ZNF682: variants seen among roughly 807,000 people sequenced by gnomAD.
ZNF682 encodes the protein zinc finger protein 682.
A neutral mutation model predicts 36.5 loss-of-function variants in ZNF682; 29 were observed. The ratio of observed to expected loss-of-function variants is 0.80; its 90% CI spans 0.59 to 1.08. The LOEUF is 1.08. ZNF682 is among the 50% of genes least tolerant of loss of function. The pLI is 0.00. For synonymous variants in ZNF682, 180 were observed against 197.0 expected (o/e 0.91, Z 0.72); for missense variants, 561 against 579.7 (o/e 0.97, Z 0.33).
At chr19:20,033,468 T>G (rs895656849) in intron 1 of ZNF682, 2 of 152,290 alleles carry the variant, frequency 1.3e-5, no homozygotes, top group Non-Finnish European at 2.9e-5. Flanking sequence ...AGCCCTGGGC[T>G]GCAGGAGGAG....
chr19:20,016,662 AAT>A (rs2122341882), intron 3 of ZNF682, among the ~76,000 whole-genome samples: 1 of 152,258 alleles, frequency 6.6e-6, no homozygotes, highest in East Asian at 1.9e-4. Context: ...AAAGCAAAAT[AAT>A]ACTGCCAACA....
At chr19:20,039,090 G>T in intron 1 of ZNF682, 1 of 1,338,490 alleles carries the variant, frequency 7.5e-7, no homozygotes, top group Non-Finnish European at 9.7e-7. Flanking sequence ...AAGAACGCGC[G>T]CGGCTCTTCC....
intron 3 of ZNF682, among the ~76,000 whole-genome samples, chr19:20,016,425 A>G (rs1317136807): frequency 3.9e-5 from 6 of 152,216 alleles, no homozygotes; most frequent in African/African-American, 1.2e-4. Flanking sequence ...GAGCAAAAAT[A>G]GAATGTAGAC....
At chr19:20,028,054 G>A (rs900454388) in intron 1 of ZNF682, among the ~76,000 whole-genome samples, 4 of 152,122 alleles carry the variant, frequency 2.6e-5, no homozygotes, top group African/African-American at 4.8e-5. Flanking sequence ...AACATAATCC[G>A]TCGAGAGGAC....
rs1389839656 is a variant in ZNF682, at chr19:20,005,137, C to T, written c.*868G>A. 1.3e-5 allele frequency: 2 copies of T among 151,978 alleles called. No homozygotes were observed. Among genetic ancestry groups the T allele is most frequent in the East Asian group, 3.9e-4 (2 of 5,190 alleles). 9.4% of individuals were successfully genotyped at this position (151,978 alleles called of 1,614,324 possible). A position where few individuals can be genotyped will look rare whatever the true frequency, so the allele number is the denominator to read the frequency against. ...TCGCCCAGGTTGGAGTTCAGTGGCGCGATCTCGGCTCACTGCAAGCTCCGC... is the reference window on the plus strand; with the variant it reads ...TCGCCCAGGTTGGAGTTCAGTGGCGTGATCTCGGCTCACTGCAAGCTCCGC... On this transcript the variant is annotated 3_prime_UTR_variant, in exon 4 of 4. Coordinates refer to ENST00000397165, the MANE Select transcript of ZNF682 (RefSeq NM_033196.3).
chr19:20,020,962 AT>A (rs34955700), intron 3 of ZNF682, among the ~76,000 whole-genome samples: 125,522 of 152,168 alleles, frequency 0.82, 52,077 homozygotes, highest in Middle Eastern at 0.91. Context: ...CCTGAAATGA[AT>A]TAAGTTTTGG....
At chr19:20,029,712 C>T (rs1330601631) in intron 1 of ZNF682, among the ~76,000 whole-genome samples, 2 of 151,834 alleles carry the variant, frequency 1.3e-5, no homozygotes, top group Non-Finnish European at 2.9e-5. Flanking sequence ...AGGGATTTCT[C>T]AGCATTGGGT....
chr19:20,028,669 G>A (rs2088453211), intron 1 of ZNF682, among the ~76,000 whole-genome samples: 1 of 152,116 alleles, frequency 6.6e-6, no homozygotes, highest in Non-Finnish European at 1.5e-5. Context: ...AAATGCTTTT[G>A]GTCCAAAATA....
At chr19:20,007,470 G>A (rs927483134) in intron 3 of ZNF682, 195 bp from the exon 4 acceptor site, 5 of 533,566 alleles carry the variant, frequency 9.4e-6, no homozygotes, top group African/African-American at 7.7e-5. Flanking sequence ...TTGAGAAAAA[G>A]CTTAATTCAG....
At chr19:20,019,246 A>C (rs535771013) in intron 3 of ZNF682, among the ~76,000 whole-genome samples, 23 of 151,954 alleles carry the variant, frequency 1.5e-4, no homozygotes, top group South Asian at 8.3e-4. Context: ...CCACCCCCCC[A>C]AAAAAAAGTG....
chr19:20,021,746 T>G (rs1169331992), intron 3 of ZNF682, among the ~76,000 whole-genome samples: 2 of 152,170 alleles, frequency 1.3e-5, no homozygotes, highest in South Asian at 4.1e-4. Flanking sequence ...AAGTTTAAAT[T>G]ACCAATTTTA....
intron 1 of ZNF682, among the ~76,000 whole-genome samples, chr19:20,025,434 T>C (rs958873541): frequency 6.6e-6 from 1 of 152,136 alleles, no homozygotes; most frequent in Non-Finnish European, 1.5e-5. Context: ...TCCCAGCACT[T>C]TGGGAGGCCA....
exon 4 of ZNF682, chr19:19,997,134 C>T (rs975029016): frequency 6.8e-5 from 27 of 397,704 alleles, no homozygotes; most frequent in African/African-American, 4.1e-4. Context: ...CCTCTAGCTA[C>T]GTGTCCAGGG....
chr19:20,006,520 G>A lies in ZNF682; in HGVS notation c.982C>T (p.Leu328Phe). 4.3e-6 allele frequency: 7 copies of A among 1,614,066 alleles called. No individual in the cohort carries two copies. Among genetic ancestry groups the A allele is most frequent in the Non-Finnish European group, 5.9e-6 (7 of 1,179,996 alleles). The change falls in exon 4 of 4, where the codon CTT (leucine) becomes TTT (phenylalanine). Residue 328 changes from leucine (L) to phenylalanine (F), a missense_variant. By Grantham distance (22) the Leu-to-Phe change is conservative. Transcript: ENST00000397165. ...CGKAFNHCSL[L>F]TIHERTHTGE... Reference sequence around the variant, plus strand: ...GTATGGGTTCTCTCATGTATAGTAAGTAGTGAGCAGTGGTTAAAGGCTTTC... The same window carrying A: ...GTATGGGTTCTCTCATGTATAGTAAATAGTGAGCAGTGGTTAAAGGCTTTC...
intron 1 of ZNF682, among the ~76,000 whole-genome samples, chr19:20,032,823 T>TAGTGACA (rs2088491055): frequency 6.6e-6 from 1 of 152,228 alleles, no homozygotes; most frequent in African/African-American, 2.4e-5. Context: ...TTGTCGTAGA[T>TAGTGACA]AGTTTATCCT....
At chr19:20,036,481 C>T in intron 1 of ZNF682, among the ~76,000 whole-genome samples, 1 of 151,698 alleles carries the variant, frequency 6.6e-6, no homozygotes, top group Non-Finnish European at 1.5e-5. Flanking sequence ...TGACGGGCAC[C>T]TGTAAACCCA....
At chr19:20,009,357 T>C (rs1422461786) in intron 3 of ZNF682, among the ~76,000 whole-genome samples, 1 of 152,084 alleles carries the variant, frequency 6.6e-6, no homozygotes, top group East Asian at 1.9e-4. Context: ...AAAACAAAGC[T>C]TCTGAGAAAT....
intron 3 of ZNF682, among the ~76,000 whole-genome samples, chr19:20,018,642 C>T (rs1028765165): frequency 6.6e-6 from 1 of 151,884 alleles, no homozygotes; most frequent in Non-Finnish European, 1.5e-5. Flanking sequence ...ACAGTTTTTT[C>T]AACAAATGAT....
rs999330463 is a variant in ZNF682 at position 20,039,418 on chromosome 19, G to A, written c.-73C>T. ...CATCTGCAAGTCAGAGGGCAACAGA[G>A]GCTGCGACAGTCACCGGGAACTACT... is the stretch of plus-strand genomic sequence containing the variant. On this transcript the variant is annotated 5_prime_UTR_variant, in exon 1 of 4. Coordinates refer to ENST00000397165, the MANE Select transcript of ZNF682 (RefSeq NM_033196.3). The A allele has an allele frequency of 1.1e-5, 17 of 1,595,794 alleles. No individual in the cohort carries two copies. The African/African-American group carries it at 1.9e-4, about 18-fold the overall frequency.
Sources: gnomAD v4.1 joint callset for allele counts (sites outside exome capture counted in the v4.1 genomes callset) on GRCh38, gnomAD v4.1.1 for gene constraint, MANE v1.5 for transcripts, NCBI Gene and HGNC (gene_info 2026-07-23, HGNC 2026-07-21) for gene names.